Variants in STAP2 observed in about 807,000 individuals in gnomAD.
STAP2 encodes signal-transducing adaptor protein 2.
A neutral mutation model predicts 52.7 loss-of-function variants in STAP2; 58 were observed. That is an observed-to-expected ratio of 1.10 (90% CI 0.89 to 1.37). The LOEUF (loss-of-function observed/expected upper bound fraction) is 1.37, where lower values mean the gene tolerates loss of function less well. STAP2 is among the 40% of genes most tolerant of loss of function. The pLI is 0.00. For synonymous variants in STAP2, 231 were observed against 210.5 expected (o/e 1.10, Z -0.84); for missense variants, 522 against 519.4 (o/e 1.00, Z -0.05).
At position 4,333,690 on chromosome 19, in the gene STAP2, C is replaced by T; in HGVS notation, c.297+4G>A. On this transcript the variant is annotated splice_donor_region_variant and intron_variant, in intron 3 of 12. Coordinates refer to ENST00000594605, the MANE Select transcript of STAP2 (RefSeq NM_001013841.2). ...CCTCTGCACCCCTCCAGCAAGGGAC[C>T]TACCTTGAACTTGATCTCCTGATCC... 2.5e-6 allele frequency: 4 copies of T among 1,610,672 alleles called. No individual in the cohort carries two copies. Among genetic ancestry groups the T allele is most frequent in the Non-Finnish European group, 3.4e-6 (4 of 1,179,510 alleles).
At chr19:4,325,589 G>C in intron 9 of STAP2, 44 bp from the exon 10 acceptor site, 1 of 1,530,512 alleles carries the variant, frequency 6.5e-7, no homozygotes, top group African/African-American at 1.4e-5. Context: ...TGTCATACAG[G>C]GACACCTTGC....
intron 4 of STAP2, among the ~76,000 whole-genome samples, chr19:4,331,013 AAT>A (rs748124633): frequency 7.0e-5 from 10 of 143,586 alleles, no homozygotes; most frequent in Non-Finnish European, 1.2e-4. Context: ...ACGCCTGGCC[AAT>A]GTCAGCTAAT....
intron 9 of STAP2, 145 bp from the exon 10 acceptor site, chr19:4,325,690 G>C: frequency 9.4e-7 from 1 of 1,067,632 alleles, no homozygotes; most frequent in Non-Finnish European, 1.3e-6. Flanking sequence ...CTGTGTCTGG[G>C]CCGGGCGCGG....
In STAP2 at chr19:4,327,216, G is replaced by A. The variant is rs1248168382; in HGVS notation, c.671C>T (p.Thr224Ile). 2 of 1,614,094 alleles carry A rather than the reference G, an allele frequency of 1.2e-6. No homozygotes were observed. The highest frequency in any genetic ancestry group is 4.5e-5 in the East Asian group (2 of 44,880). The change falls in exon 8 of 13, where the codon ACC (threonine) becomes ATC (isoleucine). Residue 224 changes from threonine (T) to isoleucine (I), a missense_variant. Coordinates refer to ENST00000594605, the MANE Select transcript of STAP2 (RefSeq NM_001013841.2). Reference sequence around the variant, plus strand: ...ATAGTTGACCACGGCGTCCAGGGAGGTGCAAGAGAACTGGGGGCAGATGGG... The same window carrying A: ...ATAGTTGACCACGGCGTCCAGGGAGATGCAAGAGAACTGGGGGCAGATGGG... ...VIDVEQPFSC[T>I]SLDAVVNYFV...
intron 1 of STAP2, among the ~76,000 whole-genome samples, chr19:4,337,584 T>C (rs913447953): frequency 1.2e-4 from 17 of 147,500 alleles, no homozygotes; most frequent in Non-Finnish European, 1.6e-4. Flanking sequence ...CGGTGGCTCA[T>C]GCCTGTAATC....
chr19:4,335,698 CGATGTGCTGTT>C (rs1971971107), intron 1 of STAP2, among the ~76,000 whole-genome samples: 2 of 152,232 alleles, frequency 1.3e-5, no homozygotes, highest in Middle Eastern at 3.4e-3. Flanking sequence ...TATGTACCCA[CGATGTGCTGTT>C]GGGCAAGTTA....
At position 4,334,131 on chromosome 19, in the gene STAP2, C is replaced by T. The variant is rs1971936963; in HGVS notation, c.103-87G>A. Reference sequence around the variant, plus strand: ...TCAATCCTGTCTCGGGGCCTTTGCACTGGTTGTGCTCTCTGCCCCACGCTG... The same window carrying T: ...TCAATCCTGTCTCGGGGCCTTTGCATTGGTTGTGCTCTCTGCCCCACGCTG... On this transcript the variant is annotated intron_variant, in intron 1 of 12. Transcript: ENST00000594605. The T allele has an allele frequency of 8.4e-5, 97 of 1,151,358 alleles. 1 individual carries two copies. The South Asian group carries it at 1.4e-3, about 17-fold the overall frequency. 71.3% of individuals were successfully genotyped at this position (1,151,358 alleles called of 1,614,324 possible).
intron 5 of STAP2, among the ~76,000 whole-genome samples, chr19:4,329,534 G>T (rs1039243928): frequency 2.0e-5 from 3 of 151,770 alleles, no homozygotes; most frequent in Non-Finnish European, 4.4e-5. Flanking sequence ...TACCCTGGAG[G>T]CCCTGCCCGC....
chr19:4,324,239 C>T, intron 12 of STAP2, 42 bp from the exon 13 acceptor site: 2 of 1,543,328 alleles, frequency 1.3e-6, no homozygotes, highest in Admixed American at 2.0e-5. Flanking sequence ...CTCAGGGATC[C>T]CCAGTCCATG....
rs567472103 is a variant in STAP2, at chr19:4,325,434, A to G, written c.941T>C (p.Ile314Thr). Residue 314 changes from isoleucine (I) to threonine (T), a missense_variant, in exon 10 of 13, where the codon ATT (isoleucine) becomes ACT (threonine). By Grantham distance (89) the Ile-to-Thr change is moderately conservative. Coordinates refer to ENST00000594605, the MANE Select transcript of STAP2 (RefSeq NM_001013841.2). Reference protein sequence around the residue: ...PNQEENYVTPIGDGPAVDYEN... With the variant: ...PNQEENYVTPTGDGPAVDYEN... ...ATAGTCAACAGCTGGGCCATCTCCA[A>G]TGGGGGTCACGTAGTTCTCTTCCTG... The G allele has an allele frequency of 1.7e-5, 27 of 1,613,888 alleles. No homozygotes were observed. Among genetic ancestry groups the G allele is most frequent in the African/African-American group, 4.0e-5 (3 of 74,916 alleles).
In STAP2 at chr19:4,338,773, G is replaced by GC. The variant is rs768922114; in HGVS notation, c.-21dup. 2.5e-6 allele frequency: 4 copies of GC among 1,602,514 alleles called. No individual in the cohort carries two copies. In the South Asian group the frequency reaches 4.5e-5, roughly 18 times the overall value. On this transcript the variant is annotated 5_prime_UTR_variant, in exon 1 of 13. Transcript: ENST00000594605. ...GGCCATGACGGAGCCAGGGTCTTCC[G>GC]CCTGGCCTCTCCTTCCAGTGGGTGC...
At chr19:4,328,874 C>T in intron 5 of STAP2, 65 bp from the exon 6 acceptor site, 1 of 1,564,678 alleles carries the variant, frequency 6.4e-7, no homozygotes, top group Admixed American at 1.8e-5. Flanking sequence ...GCACGTAAAC[C>T]CTGCCTCCTC....
At position 4,332,461 on chromosome 19, in the gene STAP2, G is replaced by A. The variant is rs564096892; in HGVS notation, c.298-383C>T. Among the ~76,000 whole-genome samples, 6 of 151,594 alleles carry A rather than the reference G, an allele frequency of 4.0e-5. No homozygotes were observed. In the East Asian group the frequency reaches 7.8e-4, roughly 20 times the overall value. ...GCCCAAGCTATCCTTCTGCCTTGGC[G>A]TCCCAAAGTGCTCAGATTACAGGCA... On this transcript the variant is annotated intron_variant, in intron 3 of 12. Transcript: ENST00000594605.
intron 4 of STAP2, among the ~76,000 whole-genome samples, chr19:4,331,526 A>C (rs1971889864): frequency 6.6e-6 from 1 of 152,050 alleles, no homozygotes; most frequent in South Asian, 2.1e-4. Flanking sequence ...GCTACTCGGG[A>C]GGCTGAGTCA....
chr19:4,332,199 T>A, intron 3 of STAP2, 121 bp from the exon 4 acceptor site: 17 of 83,506 alleles, frequency 2.0e-4, no homozygotes, highest in Non-Finnish European at 2.8e-4. Flanking sequence ...TTTTCTTCTT[T>A]TTTTTTTTTT....
intron 6 of STAP2, 51 bp downstream of exon 6, chr19:4,328,624 C>T: frequency 6.6e-7 from 1 of 1,511,814 alleles, no homozygotes; most frequent in Non-Finnish European, 9.0e-7. Context: ...CCCGCGCCCA[C>T]CCTCTTCCCA....
rs199513327 is a variant in STAP2 at position 4,325,231 on chromosome 19, C to T, written c.1057G>A (p.Val353Ile). The change falls in exon 11 of 13, where the codon GTT (valine) becomes ATT (isoleucine). Residue 353 changes from valine to isoleucine, a missense_variant. Val to Ile is a conservative substitution (Grantham distance 29). Coordinates refer to ENST00000594605, the MANE Select transcript of STAP2 (RefSeq NM_001013841.2). Reference protein sequence around the residue: ...KPPAKLPKPPVGPKPEPKVFN... With the variant: ...KPPAKLPKPPIGPKPEPKVFN... Reference sequence around the variant, plus strand: ...GGACCCCAACCTGGCTTGGGTCCAACGGGTGGCTTTGGAAGCTTGGCAGGA... The same window carrying T: ...GGACCCCAACCTGGCTTGGGTCCAATGGGTGGCTTTGGAAGCTTGGCAGGA... 30 of 1,594,010 alleles carry T rather than the reference C, an allele frequency of 1.9e-5. No individual in the cohort carries two copies. The East Asian group carries it at 4.6e-4, about 24-fold the overall frequency.
chr19:4,331,825 C>T (rs1402406450), intron 4 of STAP2, among the ~76,000 whole-genome samples, 197 bp downstream of exon 4: 2 of 148,420 alleles, frequency 1.3e-5, no homozygotes, highest in African/African-American at 2.5e-5. Flanking sequence ...CCAGCTACTC[C>T]GGAGGCTGAG....
chr19:4,328,819 GC>G lies in STAP2; in HGVS notation c.456-11del. On this transcript the variant is annotated splice_polypyrimidine_tract_variant and intron_variant, in intron 5 of 12. Coordinates refer to ENST00000594605, the MANE Select transcript of STAP2 (RefSeq NM_001013841.2). ...CACCTTCAGGAAGCACCTGTGGCGG[GC>G]CGCGTCACCCACTCGGGACCCCGGA... is the stretch of plus-strand genomic sequence containing the variant. 1 of 1,606,994 alleles carries G rather than the reference GC, an allele frequency of 6.2e-7. No individual in the cohort carries two copies. The highest frequency in any genetic ancestry group is 8.5e-7 in the Non-Finnish European group (1 of 1,177,402).
Sources: gnomAD v4.1 joint callset for allele counts (sites outside exome capture counted in the v4.1 genomes callset) on GRCh38, gnomAD v4.1.1 for gene constraint, MANE v1.5 for transcripts, NCBI Gene and HGNC (gene_info 2026-07-23, HGNC 2026-07-21) for gene names.